The following CNIH3 variants were observed in gnomAD, a reference collection of about 807,000 sequenced individuals.
CNIH3 encodes the protein cornichon family AMPA receptor auxiliary protein 3.
CNIH3 carries 14 observed loss-of-function variants against 24.1 expected under a neutral mutation model. That is an observed-to-expected ratio of 0.58 (90% confidence interval 0.38 to 0.91). The LOEUF is 0.91. Ranked by LOEUF, CNIH3 falls within the 40% of genes least tolerant of loss-of-function variation. The pLI is 0.00. For missense variants in CNIH3, 178 were observed against 196.8 expected (o/e 0.90, Z 0.57); for synonymous variants, 68 against 73.8 (o/e 0.92, Z 0.40).
intron 1 of CNIH3, among the ~76,000 whole-genome samples, chr1:224,469,176 C>T (rs1277290089): frequency 2.6e-5 from 4 of 151,832 alleles, no homozygotes; most frequent in South Asian, 2.1e-4. Flanking sequence ...TACTTTCTGG[C>T]GTCAAGTGAT....
At chr1:224,465,750 G>A (rs182301254) in intron 1 of CNIH3, among the ~76,000 whole-genome samples, 3 of 152,102 alleles carry the variant, frequency 2.0e-5, no homozygotes, top group African/African-American at 4.8e-5. Flanking sequence ...GAAATTGGGC[G>A]GGTGCTGTGG....
In CNIH3 at chr1:224,643,502, G is replaced by C. The variant is rs1684458872; in HGVS notation, c.81+26247G>C. Among the ~76,000 whole-genome samples, 3 of 152,320 alleles carry C rather than the reference G, an allele frequency of 2.0e-5. No homozygotes were observed. The South Asian group carries it at 6.2e-4, about 32-fold the overall frequency. ...CCTGGTGGGACAGTGAGTGGGTCAT[G>C]AAGGCAAGGCCTGACGTGGTGGGTC... On this transcript the variant is annotated intron_variant, in intron 1 of 5. Transcript: ENST00000272133.
chr1:224,694,107 T>A (rs1006480608), intron 3 of CNIH3, among the ~76,000 whole-genome samples: 6 of 152,304 alleles, frequency 3.9e-5, no homozygotes, highest in African/African-American at 1.2e-4. Context: ...GACAAGAGCT[T>A]CCACCCAGAG....
intron 1 of CNIH3, among the ~76,000 whole-genome samples, chr1:224,505,307 A>G (rs1677863337): frequency 1.7e-4 from 1 of 5,926 alleles, no homozygotes; most frequent in South Asian, 3.0e-3. Context: ...TCAAAAAGGA[A>G]AAAAAAAAAA....
intron 1 of CNIH3, chr1:224,661,518 C>T: frequency 3.1e-6 from 1 of 318,126 alleles, no homozygotes; most frequent in Non-Finnish European, 6.0e-6. Flanking sequence ...CCCTTTGATT[C>T]CCAAAGAAGT....
intron 1 of CNIH3, among the ~76,000 whole-genome samples, chr1:224,499,024 C>A (rs1677548901): frequency 6.6e-6 from 1 of 152,216 alleles, no homozygotes; most frequent in Admixed American, 6.5e-5. Context: ...GGACTGGCAC[C>A]CGCTCCGGGA....
At chr1:224,665,146 A>G (rs977723815) in intron 1 of CNIH3, among the ~76,000 whole-genome samples, 1 of 152,184 alleles carries the variant, frequency 6.6e-6, no homozygotes, top group African/African-American at 2.4e-5. Flanking sequence ...CTTGGACAGC[A>G]TGGTCTGGAT....
rs145518593 is a variant in CNIH3, at chr1:224,545,569, C to T, written n.340-1260C>T. ...TTCAGGTCACATTAAGCTTAGGTGTCGGGTTGGAAGACTAGGTGCCATAGG... is the reference window on the plus strand; with the variant it reads ...TTCAGGTCACATTAAGCTTAGGTGTTGGGTTGGAAGACTAGGTGCCATAGG... On this transcript the variant is annotated intron_variant and non_coding_transcript_variant, in intron 2 of 5. Transcript: ENST00000471578. Among the ~76,000 whole-genome samples the T allele has an allele frequency of 1.8e-3, 278 of 152,112 alleles. 1 individual carries two copies. The East Asian group carries it at 0.02, about 11-fold the overall frequency.
chr1:224,617,075 C>T lies in CNIH3; in HGVS notation c.-100C>T, dbSNP rs989278942. ...TCCTGGGCACTAGCCTGGAGAGGAG[C>T]GTGCAGACGCGGCTCCTTGGAGGGA... On this transcript the variant is annotated 5_prime_UTR_variant, in exon 1 of 6. Coordinates refer to ENST00000272133, the MANE Select transcript of CNIH3 (RefSeq NM_152495.2). 69 of 1,539,746 alleles carry T rather than the reference C, an allele frequency of 4.5e-5. No individual in the cohort carries two copies. The highest frequency in any genetic ancestry group is 5.8e-5 in the Non-Finnish European group (67 of 1,150,408).
intron 1 of CNIH3, among the ~76,000 whole-genome samples, chr1:224,648,862 A>G (rs561931811): frequency 6.6e-6 from 1 of 152,348 alleles, no homozygotes; most frequent in South Asian, 2.1e-4. Flanking sequence ...TGCTACAAGC[A>G]TGAGCTCCAA....
chr1:224,672,818 A>G (rs12133529), intron 1 of CNIH3, among the ~76,000 whole-genome samples: 32,900 of 152,184 alleles, frequency 0.22, 3,616 homozygotes, highest in East Asian at 0.26. Context: ...TGGCCCTAAT[A>G]CAAATAGGAG....
chr1:224,559,037 A>G (rs1680257330), intron 3 of CNIH3, among the ~76,000 whole-genome samples: 1 of 152,230 alleles, frequency 6.6e-6, no homozygotes, highest in African/African-American at 2.4e-5. Flanking sequence ...ACGCTTTGCA[A>G]ACTGGTACCT....
At chr1:224,527,185 A>T (rs1484445394) in intron 2 of CNIH3, among the ~76,000 whole-genome samples, 1 of 152,178 alleles carries the variant, frequency 6.6e-6, no homozygotes, top group African/African-American at 2.4e-5. Context: ...TTGGGGGGAC[A>T]TGAAGATGAA....
intron 1 of CNIH3, among the ~76,000 whole-genome samples, chr1:224,491,447 A>G (rs943993343): frequency 6.6e-6 from 1 of 152,208 alleles, no homozygotes; most frequent in African/African-American, 2.4e-5. Flanking sequence ...ATGAGAAACT[A>G]AACTTTATGA....
chr1:224,599,399 T>A (rs928134571), intron 3 of CNIH3, among the ~76,000 whole-genome samples: 6 of 152,216 alleles, frequency 3.9e-5, no homozygotes, highest in African/African-American at 7.2e-5. Context: ...TATTAATTTT[T>A]GATTACCTTC....
chr1:224,547,272 T>C (rs1207889495), intron 3 of CNIH3, among the ~76,000 whole-genome samples: 2 of 151,760 alleles, frequency 1.3e-5, no homozygotes, highest in African/African-American at 4.8e-5. Flanking sequence ...ATTCATAATA[T>C]CCGAAAGGAG....
At chr1:224,563,010 A>C (rs1680436970) in intron 3 of CNIH3, among the ~76,000 whole-genome samples, 1 of 152,206 alleles carries the variant, frequency 6.6e-6, no homozygotes, top group Non-Finnish European at 1.5e-5. Flanking sequence ...TCTGCTACTC[A>C]ATATTGCTCA....
At chr1:224,563,786 A>C (rs1167205286) in intron 3 of CNIH3, among the ~76,000 whole-genome samples, 1 of 152,092 alleles carries the variant, frequency 6.6e-6, no homozygotes, top group Non-Finnish European at 1.5e-5. Flanking sequence ...GTTCAAAGGA[A>C]TTTCTAATTT....
intron 1 of CNIH3, among the ~76,000 whole-genome samples, chr1:224,666,889 C>CA (rs1395004729): frequency 6.6e-6 from 1 of 152,190 alleles, no homozygotes; most frequent in East Asian, 1.9e-4. Flanking sequence ...ATGTCACGTG[C>CA]ATGCGGTTGA....
Sources: allele counts gnomAD v4.1 joint callset (sites outside exome capture counted in the v4.1 genomes callset), GRCh38; gene constraint gnomAD v4.1.1; transcripts MANE v1.5; gene names NCBI Gene and HGNC (gene_info 2026-07-23, HGNC 2026-07-21).